The following RTN4IP1 variants were observed in gnomAD, a reference collection of about 807,000 sequenced individuals.
RTN4IP1 encodes NAD(P)H oxidoreductase RTN4IP1, mitochondrial.
In RTN4IP1, 32 loss-of-function variants were observed where a neutral mutation model predicts 46.6. The ratio of observed to expected loss-of-function variants is 0.69; its 90% CI spans 0.52 to 0.92. The LOEUF (loss-of-function observed/expected upper bound fraction) is 0.92. Among genes scored for constraint, RTN4IP1 ranks in the 40% least tolerant of loss-of-function variants. The pLI is 0.00. For missense variants in RTN4IP1, 424 were observed against 485.8 expected (o/e 0.87, Z 1.20); for synonymous variants, 167 against 161.8 (o/e 1.03, Z -0.24).
At chr6:106,628,689 G>A (rs1308899875) in intron 1 of RTN4IP1, 59 bp downstream of exon 1, 3 of 1,450,236 alleles carry the variant, frequency 2.1e-6, no homozygotes, top group Non-Finnish European at 2.8e-6. Flanking sequence ...TTTTTAAAAC[G>A]GCATACCTTA....
intron 8 of RTN4IP1, among the ~76,000 whole-genome samples, chr6:106,581,439 CT>C (rs1417184173): frequency 3.3e-5 from 5 of 152,200 alleles, no homozygotes; most frequent in Non-Finnish European, 1.5e-5. Context: ...GTCATTCCTT[CT>C]AATTTCCCAG....
At position 106,629,230 on chromosome 6, in the gene RTN4IP1, C is replaced by T. The variant is rs1169262771; in HGVS notation, c.-209G>A. The T allele has an allele frequency of 1.7e-6, 1 of 587,156 alleles. No individual in the cohort carries two copies. The highest frequency in any genetic ancestry group is 1.9e-5 in the African/African-American group (1 of 53,776). 36.4% of individuals were successfully genotyped at this position (587,156 alleles called of 1,614,324 possible). On this transcript the variant is annotated 5_prime_UTR_variant, in exon 1 of 9. Transcript: ENST00000369063. ...TATTCCGCTCTTCGCATATGAAATG[C>T]TCGAATTAACGTTCCAGTCAGTATT... is the stretch of plus-strand genomic sequence containing the variant.
intron 6 of RTN4IP1, among the ~76,000 whole-genome samples, chr6:106,589,147 G>A (rs1307359224): frequency 4.4e-5 from 4 of 89,972 alleles, no homozygotes; most frequent in East Asian, 3.3e-4. Flanking sequence ...AAGAGGAAGA[G>A]GAAGAGGAAG....
Position 106,629,079 on chromosome 6 carries a change from T to C in RTN4IP1, c.-58A>G. The C allele has an allele frequency of 6.6e-7, 1 of 1,512,366 alleles. No homozygotes were observed. The highest frequency in any genetic ancestry group is 8.9e-7 in the Non-Finnish European group (1 of 1,119,046). The allele number at this position is 1,512,366 out of a possible 1,614,324, so 93.7% of individuals were successfully genotyped here. A position where few individuals can be genotyped will look rare whatever the true frequency, so the allele number is the denominator to read the frequency against. ...CAAATACACTTGGACTGGATCAAACTCTCACCCCTGAATTCAGTCAAATTC... is the reference window on the plus strand; with the variant it reads ...CAAATACACTTGGACTGGATCAAACCCTCACCCCTGAATTCAGTCAAATTC... On this transcript the variant is annotated 5_prime_UTR_variant, in exon 1 of 9. Transcript: ENST00000369063.
Position 106,621,580 on chromosome 6 carries a change from C to A in RTN4IP1, c.427-87G>T, listed in dbSNP as rs1054297777. The A allele has an allele frequency of 8.5e-6, 9 of 1,058,236 alleles. No individual in the cohort carries two copies. The East Asian group carries it at 1.9e-4, about 22-fold the overall frequency. The allele number at this position is 1,058,236 out of a possible 1,614,324, so 65.6% of individuals were successfully genotyped here. A position where few individuals can be genotyped will look rare whatever the true frequency, so the allele number is the denominator to read the frequency against. On this transcript the variant is annotated intron_variant, in intron 2 of 8. Transcript: ENST00000369063. ...GCAAGAAAGTGTTCCCTAATATATA[C>A]CCTGTGCTGTGAAAAACACAGAAGT... is the stretch of plus-strand genomic sequence containing the variant.
At chr6:106,608,499 A>G (rs959253683) in intron 4 of RTN4IP1, among the ~76,000 whole-genome samples, 5 of 152,234 alleles carry the variant, frequency 3.3e-5, no homozygotes, top group Admixed American at 3.3e-4. Flanking sequence ...TAATGTTCCC[A>G]ACACAAAGAA....
chr6:106,587,564 G>T, intron 7 of RTN4IP1, 115 bp downstream of exon 7: 2 of 916,708 alleles, frequency 2.2e-6, no homozygotes, highest in Non-Finnish European at 3.4e-6. Context: ...CAGAGTCCAT[G>T]CTTGCAACCA....
chr6:106,621,582 C>T, intron 2 of RTN4IP1, 89 bp from the exon 3 acceptor site: 1 of 1,041,512 alleles, frequency 9.6e-7, no homozygotes, highest in Admixed American at 1.8e-5. Flanking sequence ...AATATATACC[C>T]TGTGCTGTGA....
At chr6:106,574,333 C>G (rs190149906) in intron 8 of RTN4IP1, among the ~76,000 whole-genome samples, 1 of 151,946 alleles carries the variant, frequency 6.6e-6, no homozygotes, top group African/African-American at 2.4e-5. Flanking sequence ...ATCCCAGCTA[C>G]TCGGGAGGCT....
intron 5 of RTN4IP1, among the ~76,000 whole-genome samples, chr6:106,599,366 C>G (rs1775885121): frequency 6.6e-6 from 1 of 151,718 alleles, no homozygotes; most frequent in Admixed American, 6.6e-5. Flanking sequence ...AGAATACCAC[C>G]TGTGTCCCTA....
chr6:106,571,923 G>T lies in RTN4IP1; in HGVS notation c.*73C>A. Reference sequence around the variant, plus strand: ...ATCTGGAAAAATGTTTGAAAGGGATGGCTAGAAAAAAATTTGGGCTCACAG... The same window carrying T: ...ATCTGGAAAAATGTTTGAAAGGGATTGCTAGAAAAAAATTTGGGCTCACAG... On this transcript the variant is annotated 3_prime_UTR_variant, in exon 9 of 9. Coordinates refer to ENST00000369063, the MANE Select transcript of RTN4IP1 (RefSeq NM_032730.5). 1.1e-6 allele frequency: 1 copy of T among 943,888 alleles called. No homozygotes were observed. Among genetic ancestry groups the T allele is most frequent in the Non-Finnish European group, 1.7e-6 (1 of 585,834 alleles). The allele number at this position is 943,888 out of a possible 1,614,324, so 58.5% of individuals were successfully genotyped here.
chr6:106,628,850 G>T lies in RTN4IP1; in HGVS notation c.172C>A (p.Arg58=). 6.2e-7 allele frequency: 1 copy of T among 1,614,056 alleles called. No homozygotes were observed. Among genetic ancestry groups the T allele is most frequent in the South Asian group, 1.1e-5 (1 of 91,084 alleles). The change falls in exon 1 of 9, where the codon CGA becomes AGA. Residue 58 remains arginine, a synonymous_variant. Coordinates refer to ENST00000369063, the MANE Select transcript of RTN4IP1 (RefSeq NM_032730.5). ...IDKYGKNEVL[R]FTQNMMMPII... ...GGCATCATCATGTTCTGAGTGAATC[G>T]AAGCACTTCATTCTTCCCATATTTA...
intron 4 of RTN4IP1, among the ~76,000 whole-genome samples, chr6:106,609,054 C>G (rs1776157431): frequency 6.6e-6 from 1 of 152,208 alleles, no homozygotes; most frequent in Non-Finnish European, 1.5e-5. Context: ...CTATAATTAC[C>G]TGCTGAGGTC....
chr6:106,606,440 TAAAC>T (rs1776076741), intron 4 of RTN4IP1, among the ~76,000 whole-genome samples: 1 of 151,954 alleles, frequency 6.6e-6, no homozygotes, highest in Admixed American at 6.5e-5. Context: ...TTTTTTTAAA[TAAAC>T]AAATATAAAT....
intron 4 of RTN4IP1, among the ~76,000 whole-genome samples, chr6:106,614,571 G>A (rs1188413325): frequency 6.6e-6 from 1 of 152,138 alleles, no homozygotes; most frequent in Non-Finnish European, 1.5e-5. Context: ...TAAAGGGCTG[G>A]AGGAAGAAGT....
chr6:106,583,061 T>C (rs1775406413), intron 8 of RTN4IP1, among the ~76,000 whole-genome samples: 3 of 152,112 alleles, frequency 2.0e-5, no homozygotes, highest in South Asian at 2.1e-4. Flanking sequence ...TCCTATAACC[T>C]CCCTGGGCCC....
In RTN4IP1 at chr6:106,572,396, C is replaced by T. The variant is rs920473682; in HGVS notation, c.1084-293G>A. On this transcript the variant is annotated intron_variant, in intron 8 of 8. Transcript: ENST00000369063. ...GTTCAACAGCTCCCACTCCGGCATTCGAAGACCAATAGCATCCTGAGCTCA... is the reference window on the plus strand; with the variant it reads ...GTTCAACAGCTCCCACTCCGGCATTTGAAGACCAATAGCATCCTGAGCTCA... 12 of 318,156 alleles carry T rather than the reference C, an allele frequency of 3.8e-5. 1 individual carries two copies. Among genetic ancestry groups the T allele is most frequent in the South Asian group, 2.5e-4 (4 of 15,864 alleles). The allele number at this position is 318,156 out of a possible 1,614,324, so 19.7% of individuals were successfully genotyped here.
intron 4 of RTN4IP1, among the ~76,000 whole-genome samples, chr6:106,607,557 G>A (rs1048581335): frequency 2.6e-5 from 4 of 152,050 alleles, no homozygotes; most frequent in East Asian, 1.9e-4. Flanking sequence ...AATTAAAAAC[G>A]TGCAAAGGAT....
Position 106,625,198 on chromosome 6 carries a change from G to A in RTN4IP1, c.275-2229C>T, listed in dbSNP as rs112264618. ...TGAGGCTTTCCATGATAGGCACCCTGCCTACCTCTCCAGTGTCATGTACCA... is the reference window on the plus strand; with the variant it reads ...TGAGGCTTTCCATGATAGGCACCCTACCTACCTCTCCAGTGTCATGTACCA... On this transcript the variant is annotated intron_variant, in intron 1 of 8. Transcript: ENST00000369063. Among the ~76,000 whole-genome samples the A allele has an allele frequency of 1.6e-3, 237 of 151,350 alleles. 2 individuals carry two copies. The highest frequency in any genetic ancestry group is 5.6e-3 in the African/African-American group (230 of 41,188).
Sources: gnomAD v4.1 joint callset for allele counts (sites outside exome capture counted in the v4.1 genomes callset) on GRCh38, gnomAD v4.1.1 for gene constraint, MANE v1.5 for transcripts, NCBI Gene and HGNC (gene_info 2026-07-23, HGNC 2026-07-21) for gene names.